The following PKD2 variants were observed in gnomAD, a reference collection of about 807,000 sequenced individuals.
PKD2 encodes the protein polycystin 2, transient receptor potential cation channel, also known as polycystin-2.
PKD2 carries 48 observed loss-of-function variants against 105.9 expected under a neutral mutation model. That is an observed-to-expected ratio of 0.45 (90% CI 0.36 to 0.58). The LOEUF (loss-of-function observed/expected upper bound fraction) is 0.58, where lower values mean the gene tolerates loss of function less well. PKD2 is among the 20% of genes least tolerant of loss of function. PKD2 has a pLI of 0.00. For synonymous variants in PKD2, 464 were observed against 481.1 expected, an observed-to-expected ratio of 0.96 and a Z score of 0.46; for missense variants, 1,078 against 1,255.3, an observed-to-expected ratio of 0.86 and a Z score of 2.13.
intron 2 of PKD2, among the ~76,000 whole-genome samples, chr4:88,033,645 A>C (rs541061316): frequency 6.6e-6 from 1 of 152,196 alleles, no homozygotes; most frequent in Non-Finnish European, 1.5e-5. Flanking sequence ...TTCAATTTAC[A>C]TACTTATATA....
chr4:88,059,782 T>TACATACATACAC (rs1720501618), intron 9 of PKD2, among the ~76,000 whole-genome samples: 1 of 150,376 alleles, frequency 6.6e-6, no homozygotes, highest in Non-Finnish European at 1.5e-5. Flanking sequence ...CATACATACA[T>TACATACATACAC]AGACACATAC....
intron 6 of PKD2, among the ~76,000 whole-genome samples, chr4:88,049,407 CTT>C (rs1383628929): frequency 2.0e-5 from 3 of 152,358 alleles, no homozygotes; most frequent in South Asian, 2.1e-4. Context: ...GAAATTGTCT[CTT>C]TGGCTCAACA....
At chr4:88,031,303 A>G (rs532290542) in intron 2 of PKD2, among the ~76,000 whole-genome samples, 1 of 152,350 alleles carries the variant, frequency 6.6e-6, no homozygotes, top group South Asian at 2.1e-4. Flanking sequence ...GATATTTTCA[A>G]TTTACAATGA....
At chr4:88,041,923 C>T (rs1461866049) in intron 4 of PKD2, among the ~76,000 whole-genome samples, 3 of 152,200 alleles carry the variant, frequency 2.0e-5, no homozygotes, top group African/African-American at 4.8e-5. Flanking sequence ...CTGTTCCTCC[C>T]CACTCCAGTC....
chr4:88,007,815 C>T lies in PKD2; in HGVS notation c.82C>T (p.Arg28Trp). The change falls in exon 1 of 15, where the codon CGG (arginine) becomes TGG (tryptophan). Residue 28 changes from arginine (R) to tryptophan (W), a missense_variant. By Grantham distance (101) the Arg-to-Trp change is moderately radical. This residue lies in a region of PKD2 where 210 missense variants were observed against 187.9 expected (regional missense o/e 1.12). Coordinates refer to ENST00000237596, the MANE Select transcript of PKD2 (RefSeq NM_000297.4). ...CGCGCCCCGCGCGCCGGACCCGGGC[C>T]GGCTGATGGCTGGCTGCGCGGCCGT... Reference protein sequence around the residue: ...PPAPRAPDPGRLMAGCAAVGA... With the variant: ...PPAPRAPDPGWLMAGCAAVGA... 1 of 1,172,000 alleles carries T rather than the reference C, an allele frequency of 8.5e-7. No homozygotes were observed. Among genetic ancestry groups the T allele is most frequent in the Non-Finnish European group, 1.1e-6 (1 of 951,680 alleles). 72.6% of individuals were successfully genotyped at this position (1,172,000 alleles called of 1,614,324 possible). A position where few individuals can be genotyped will look rare whatever the true frequency, so the allele number is the denominator to read the frequency against.
chr4:88,036,379 C>T (rs1184814908), intron 3 of PKD2, 26 bp downstream of exon 3: 2 of 1,608,948 alleles, frequency 1.2e-6, no homozygotes, highest in Non-Finnish European at 8.5e-7. Context: ...TTTGAAAGTA[C>T]CTCTCTATCA....
Position 88,065,364 on chromosome 4 carries a change from T to C in PKD2, c.2119-10T>C. The C allele has an allele frequency of 1.9e-6, 3 of 1,610,646 alleles. No individual in the cohort carries two copies. The highest frequency in any genetic ancestry group is 2.2e-5 in the South Asian group (2 of 91,010). On this transcript the variant is annotated splice_polypyrimidine_tract_variant and intron_variant, in intron 10 of 14. Transcript: ENST00000237596. ...TAAACCAAGTCTTTTATTTTTTCTC[T>C]CTCTGATAGGGCTACCATAAAGCTT...
At chr4:88,037,431 G>A (rs973156720) in intron 3 of PKD2, among the ~76,000 whole-genome samples, 10 of 152,160 alleles carry the variant, frequency 6.6e-5, no homozygotes, top group African/African-American at 2.4e-4. Context: ...AAATTGGAAG[G>A]GAAATTGAAA....
chr4:88,070,234 C>T (rs137985235), intron 13 of PKD2, among the ~76,000 whole-genome samples: 3 of 152,062 alleles, frequency 2.0e-5, no homozygotes, highest in Admixed American at 6.6e-5. Flanking sequence ...TACATGATGA[C>T]TCAATTTTCT....
intron 5 of PKD2, among the ~76,000 whole-genome samples, chr4:88,045,471 G>T (rs1727732570): frequency 6.6e-6 from 1 of 152,226 alleles, no homozygotes; most frequent in Non-Finnish European, 1.5e-5. Context: ...CATGTGTCCT[G>T]TATGCTCAGG....
intron 2 of PKD2, among the ~76,000 whole-genome samples, chr4:88,029,648 T>C (rs950368874): frequency 6.6e-6 from 1 of 152,250 alleles, no homozygotes; most frequent in South Asian, 2.1e-4. Flanking sequence ...TCCTGACTTA[T>C]TCATTCCTTA....
chr4:88,020,779 T>C (rs1390991208), intron 2 of PKD2, among the ~76,000 whole-genome samples: 1 of 151,210 alleles, frequency 6.6e-6, no homozygotes, highest in Non-Finnish European at 1.5e-5. Context: ...AGCCTCGAGC[T>C]CCTAGGCTTC....
chr4:88,050,725 G>GCC lies in PKD2; in HGVS notation c.1549-1265_1549-1264dup, dbSNP rs1470116707. ...AGATGAGCTCCTCATCTCAGGAGAAGCCTATTCCCACTGCAGGCCTTCTTG... is the reference window on the plus strand; with the variant it reads ...AGATGAGCTCCTCATCTCAGGAGAAGCCCCTATTCCCACTGCAGGCCTTCTTG... On this transcript the variant is annotated intron_variant, in intron 6 of 14. Transcript: ENST00000237596. Among the ~76,000 whole-genome samples, 3 of 152,194 alleles carry GCC rather than the reference G, an allele frequency of 2.0e-5. No individual in the cohort carries two copies. The South Asian group carries it at 6.2e-4, about 32-fold the overall frequency.
In PKD2 at chr4:88,043,388, G is replaced by A. The variant is rs142261953; in HGVS notation, c.1250G>A (p.Arg417Gln). 1.5e-5 allele frequency: 25 copies of A among 1,613,932 alleles called. No individual in the cohort carries two copies. Among genetic ancestry groups the A allele is most frequent in the African/African-American group, 2.7e-5 (2 of 74,910 alleles). ...CTCAAGAAAAATGTCTGGCTGGACC[G>A]AGGAACCAGGGCAACTTTTATTGAC... is the stretch of plus-strand genomic sequence containing the variant. ...ASLKKNVWLD[R>Q]GTRATFIDFS... Residue 417 changes from arginine (R) to glutamine (Q), a missense_variant, in exon 5 of 15, where the codon CGA (arginine) becomes CAA (glutamine). Coordinates refer to ENST00000237596, the MANE Select transcript of PKD2 (RefSeq NM_000297.4).
intron 9 of PKD2, among the ~76,000 whole-genome samples, chr4:88,060,056 A>G (rs1471898773): frequency 6.6e-6 from 1 of 152,186 alleles, no homozygotes; most frequent in African/African-American, 2.4e-5. Flanking sequence ...AGGGTGAGCT[A>G]GCTTCCTCTT....
intron 1 of PKD2, among the ~76,000 whole-genome samples, chr4:88,012,587 T>G (rs370389469): frequency 6.6e-6 from 1 of 152,348 alleles, no homozygotes; most frequent in East Asian, 1.9e-4. Flanking sequence ...TTGGCCATTT[T>G]AACCATTTTA....
chr4:88,053,014 C>A (rs79723117), intron 7 of PKD2, among the ~76,000 whole-genome samples: 1 of 152,172 alleles, frequency 6.6e-6, no homozygotes, highest in African/African-American at 2.4e-5. Flanking sequence ...TCATATACAA[C>A]AAGCCTCAAT....
Position 88,052,089 on chromosome 4 carries a change from G to C in PKD2, c.1647G>C (p.Glu549Asp). The stretch of plus-strand genomic sequence containing the variant: ...ATCAAAATACTTTCCCCAACTTTGA[G>C]CATCTGGCATATTGGCAGATACAGT... Reference protein sequence around the residue: ...LEDQNTFPNFEHLAYWQIQFN... With the variant: ...LEDQNTFPNFDHLAYWQIQFN... Residue 549 changes from glutamate (E) to aspartate (D), a missense_variant, in exon 7 of 15, where the codon GAG becomes GAC. Physicochemically the swap from Glu to Asp is conservative, Grantham distance 45 (BLOSUM62 2). This residue lies in a region of PKD2 where 868 missense variants were observed against 1,067.3 expected (regional missense o/e 0.81). Transcript: ENST00000237596. The C allele has an allele frequency of 6.2e-7, 1 of 1,607,628 alleles. No homozygotes were observed. The highest frequency in any genetic ancestry group is 8.5e-7 in the Non-Finnish European group (1 of 1,174,366).
Position 88,008,089 on chromosome 4 carries a change from G to A in PKD2, c.356G>A (p.Arg119His), listed in dbSNP as rs748654180. The A allele has an allele frequency of 6.7e-5, 102 of 1,517,964 alleles. 1 individual carries two copies. Among genetic ancestry groups the A allele is most frequent in the Non-Finnish European group, 8.4e-5 (96 of 1,138,188 alleles). The allele number at this position is 1,517,964 out of a possible 1,614,324, so 94.0% of individuals were successfully genotyped here. The change falls in exon 1 of 15, where the codon CGC becomes CAC. Residue 119 changes from arginine (R) to histidine (H), a missense_variant. Arg to His is a conservative substitution (Grantham distance 29). This residue lies in a region of PKD2 where 210 missense variants were observed against 187.9 expected (regional missense o/e 1.12). Transcript: ENST00000237596. ...GTGGTGGAGATGGACGTAGAGTGGC[G>A]CCCGGGCAGCCGGAGGTCGGCCGCC... Reference protein sequence around the residue: ...GMVVEMDVEWRPGSRRSAASS... With the variant: ...GMVVEMDVEWHPGSRRSAASS...
Sources: gnomAD v4.1 joint callset for allele counts (sites outside exome capture counted in the v4.1 genomes callset) on GRCh38, gnomAD v4.1.1 for gene constraint, gnomAD v4.1.1 regional missense constraint, MANE v1.5 for transcripts, NCBI Gene and HGNC (gene_info 2026-07-23, HGNC 2026-07-21) for gene names.